The following INPP5D variants were observed in gnomAD, a reference collection of about 807,000 sequenced individuals.
The protein encoded by INPP5D is phosphatidylinositol 3,4,5-trisphosphate 5-phosphatase 1.
Under a neutral mutation model 122.9 loss-of-function variants are expected in INPP5D, and 33 were observed. The ratio of observed to expected loss-of-function variants is 0.27; its 90% CI spans 0.20 to 0.36. The LOEUF (loss-of-function observed/expected upper bound fraction) is 0.36. Ranked by LOEUF, INPP5D falls within the 10% of genes least tolerant of loss-of-function variation. INPP5D has a pLI of 1.00. For missense variants in INPP5D, 1,053 were observed against 1,412.7 expected (o/e 0.75, Z 4.08); for synonymous variants, 584 against 576.2 (o/e 1.01, Z -0.19).
At chr2:233,083,468 G>A (rs952222725) in intron 2 of INPP5D, among the ~76,000 whole-genome samples, 1 of 152,206 alleles carries the variant, frequency 6.6e-6, no homozygotes, top group Non-Finnish European at 1.5e-5. Context: ...CCTGGTTGGG[G>A]GAGGGTTGGG....
chr2:233,160,607 T>C lies in INPP5D; in HGVS notation c.1138-1117T>C, dbSNP rs2106292385. Among the ~76,000 whole-genome samples the C allele has an allele frequency of 6.6e-6, 1 of 152,256 alleles. No homozygotes were observed. Among genetic ancestry groups the C allele is most frequent in the Non-Finnish European group, 1.5e-5 (1 of 68,022 alleles). ...GATGTTTTTTAATTTTCTCTTTCTTTCTTCCTTCCCTTCTTTCTTTCTTTT... is the reference window on the plus strand; with the variant it reads ...GATGTTTTTTAATTTTCTCTTTCTTCCTTCCTTCCCTTCTTTCTTTCTTTT... On this transcript the variant is annotated intron_variant, in intron 10 of 26. Transcript: ENST00000445964. The surrounding 1 kb of genome is among the most constrained non-coding windows in gnomAD (Gnocchi z 4.2).
At chr2:233,204,949 C>T in intron 26 of INPP5D, 2 of 592,678 alleles carry the variant, frequency 3.4e-6, no homozygotes, top group Non-Finnish European at 5.4e-6. Context: ...ACATCCCTGA[C>T]CCTGCATTGC....
intron 2 of INPP5D, among the ~76,000 whole-genome samples, chr2:233,086,903 C>T (rs1018881692): frequency 1.3e-5 from 2 of 152,146 alleles, no homozygotes; most frequent in South Asian, 4.1e-4. Context: ...TAGCCTGTGT[C>T]GTGTTTCTGG....
chr2:233,109,744 AT>A (rs1172362117), intron 2 of INPP5D, among the ~76,000 whole-genome samples: 1,365 of 131,504 alleles, frequency 0.01, 17 homozygotes, highest in African/African-American at 0.022. Context: ...ACGCCCAGCT[AT>A]TTTTTTTTTT....
At chr2:233,136,302 A>G (rs2106269013) in intron 5 of INPP5D, among the ~76,000 whole-genome samples, 1 of 152,196 alleles carries the variant, frequency 6.6e-6, no homozygotes, top group South Asian at 2.1e-4. Context: ...ACATGGTGAA[A>G]TTCCATCTAC....
chr2:233,200,671 C>G (rs568551546), intron 25 of INPP5D, among the ~76,000 whole-genome samples: 2 of 152,110 alleles, frequency 1.3e-5, no homozygotes, highest in South Asian at 4.1e-4. Flanking sequence ...CTCTAAGAAA[C>G]GGATAGGCCA....
At chr2:233,193,671 TG>T (rs2106322762) in intron 22 of INPP5D, 140 bp from the exon 23 acceptor site, 1 of 1,371,606 alleles carries the variant, frequency 7.3e-7, no homozygotes, top group South Asian at 1.3e-5. Flanking sequence ...CCCAAAGTAC[TG>T]TGGTGTTGTT....
At chr2:233,145,204 T>C in intron 6 of INPP5D, 1 of 456,164 alleles carries the variant, frequency 2.2e-6, no homozygotes, top group South Asian at 1.5e-5. Context: ...TGTGAATAAG[T>C]GCATGAGACC....
chr2:233,165,278 T>C (rs964767011), intron 13 of INPP5D, among the ~76,000 whole-genome samples: 2 of 152,102 alleles, frequency 1.3e-5, no homozygotes, highest in African/African-American at 4.8e-5. Flanking sequence ...AATCTATGCA[T>C]GTGTTTGAGT....
intron 9 of INPP5D, among the ~76,000 whole-genome samples, chr2:233,156,834 A>C (rs187409847): frequency 6.6e-6 from 1 of 152,344 alleles, no homozygotes; most frequent in East Asian, 1.9e-4. Context: ...CAATGTAGGC[A>C]CAGCAAGCCA....
intron 9 of INPP5D, among the ~76,000 whole-genome samples, chr2:233,149,415 AT>A (rs1693864465): frequency 6.6e-6 from 1 of 152,058 alleles, no homozygotes. Context: ...TTTGTTCTTA[AT>A]AAAGTCGTAT....
chr2:233,063,176 GCCC>G (rs941927055), intron 1 of INPP5D, among the ~76,000 whole-genome samples: 1 of 152,152 alleles, frequency 6.6e-6, no homozygotes, highest in African/African-American at 2.4e-5. Flanking sequence ...AGCAGGCTTT[GCCC>G]CCCTAGCCCT....
chr2:233,164,682 C>T lies in INPP5D; in HGVS notation c.1555+258C>T, dbSNP rs1559328625. Among the ~76,000 whole-genome samples the T allele has an allele frequency of 6.6e-6, 1 of 152,278 alleles. No individual in the cohort carries two copies. Among genetic ancestry groups the T allele is most frequent in the Admixed American group, 6.5e-5 (1 of 15,296 alleles). On this transcript the variant is annotated intron_variant, in intron 13 of 26. Coordinates refer to ENST00000445964, the MANE Select transcript of INPP5D (RefSeq NM_001017915.3). This position sits in a 1 kb window ranked among gnomAD's most constrained non-coding sequence, Gnocchi z 4.3. ...AGATCTTGGGTGGAGCTCAGGGTTCCAAGTTTCTGACAGGTTCCCAGGCGA... is the reference window on the plus strand; with the variant it reads ...AGATCTTGGGTGGAGCTCAGGGTTCTAAGTTTCTGACAGGTTCCCAGGCGA...
chr2:233,137,953 GATATT>G (rs1486648222), intron 5 of INPP5D, among the ~76,000 whole-genome samples: 8 of 37,774 alleles, frequency 2.1e-4, no homozygotes, highest in African/African-American at 4.6e-4. Flanking sequence ...ATGATATAAT[GATATT>G]ATATTATAAT....
chr2:233,108,603 C>T (rs1343432102), intron 2 of INPP5D, among the ~76,000 whole-genome samples: 2 of 152,178 alleles, frequency 1.3e-5, no homozygotes, highest in Non-Finnish European at 2.9e-5. Context: ...CCTTCCAAGC[C>T]CCAGGAACCC....
chr2:233,206,877 T>A lies in INPP5D; in HGVS notation c.*169T>A. 1 of 624,052 alleles carries A rather than the reference T, an allele frequency of 1.6e-6. No homozygotes were observed. The highest frequency in any genetic ancestry group is 3.0e-6 in the Non-Finnish European group (1 of 338,142). The allele number at this position is 624,052 out of a possible 1,614,324, so 38.7% of individuals were successfully genotyped here. On this transcript the variant is annotated 3_prime_UTR_variant, in exon 27 of 27. Transcript: ENST00000445964. The surrounding 1 kb of genome is among the most constrained non-coding windows in gnomAD (Gnocchi z 4.0). ...TGTGGCCCACAGAGTTCACTGCCTG[T>A]GAGACTTAGCACCAAGTGCTGAGGC... is the stretch of plus-strand genomic sequence containing the variant.
chr2:233,163,788 A>G lies in INPP5D; in HGVS notation c.1322A>G (p.Tyr441Cys). 1 of 1,613,950 alleles carries G rather than the reference A, an allele frequency of 6.2e-7. No individual in the cohort carries two copies. ...AAGACGCGGGACGACTCTGCGGACT[A>G]CATCCCCCATGACATTTACGTGATC... ...QGKTRDDSAD[Y>C]IPHDIYVIGT... is the part of the protein sequence containing the mutation. The change falls in exon 12 of 27, where the codon TAC becomes TGC. Residue 441 changes from tyrosine to cysteine, a missense_variant. Tyr to Cys is a radical substitution (Grantham distance 194). This residue lies in a region of INPP5D where 105 missense variants were observed against 199.8 expected (regional missense o/e 0.53). Coordinates refer to ENST00000445964, the MANE Select transcript of INPP5D (RefSeq NM_001017915.3).
Position 233,116,266 on chromosome 2 carries a change from T to TATAG in INPP5D, c.199-5837_199-5834dup, listed in dbSNP as rs1553575255. Among the ~76,000 whole-genome samples, 3 of 145,820 alleles carry TATAG rather than the reference T, an allele frequency of 2.1e-5. No homozygotes were observed. The East Asian group carries it at 5.9e-4, about 28-fold the overall frequency. ...ATAGATAGATAGATATAGATATAGA[T>TATAG]ATAGATATAGATATAGATATATAGA... On this transcript the variant is annotated intron_variant, in intron 2 of 26. Coordinates refer to ENST00000445964, the MANE Select transcript of INPP5D (RefSeq NM_001017915.3).
intron 14 of INPP5D, chr2:233,169,729 A>G: frequency 5.2e-6 from 3 of 580,890 alleles, no homozygotes. Context: ...GCTGGGGCCC[A>G]GGAATGAAGA....
Sources: gnomAD v4.1 joint callset for allele counts (sites outside exome capture counted in the v4.1 genomes callset) on GRCh38, gnomAD v4.1.1 for gene constraint, gnomAD v4.1.1 regional missense constraint, Gnocchi (gnomAD v3.1) non-coding constraint, MANE v1.5 for transcripts, NCBI Gene and HGNC (gene_info 2026-07-23, HGNC 2026-07-21) for gene names.